Variants in CNTNAP2 observed in about 807,000 individuals in gnomAD.
CNTNAP2 encodes the protein contactin-associated protein-like 2.
In CNTNAP2, 98 loss-of-function variants were observed where a neutral mutation model predicts 155.2. That is an observed-to-expected ratio of 0.63 (90% CI 0.54 to 0.75). The LOEUF (loss-of-function observed/expected upper bound fraction) is 0.75. Among genes scored for constraint, CNTNAP2 ranks in the 30% least tolerant of loss-of-function variants. The pLI, the probability that CNTNAP2 is intolerant of heterozygous loss-of-function variation, is 0.00. For synonymous variants in CNTNAP2, 651 were observed against 631.2 expected, an observed-to-expected ratio of 1.03 and a Z score of -0.47; for missense variants, 1,727 against 1,688.1, an observed-to-expected ratio of 1.02 and a Z score of -0.40.
intron 21 of CNTNAP2, among the ~76,000 whole-genome samples, chr7:148,286,365 A>G (rs60546718): frequency 0.15 from 22,165 of 152,162 alleles, 2,083 homozygotes; most frequent in African/African-American, 0.26. Context: ...GAGGTCTCCA[A>G]ACTGTCTTGT....
At chr7:146,491,334 T>C (rs1252329970) in intron 1 of CNTNAP2, among the ~76,000 whole-genome samples, 1 of 151,932 alleles carries the variant, frequency 6.6e-6, no homozygotes, top group East Asian at 1.9e-4. Flanking sequence ...AACATAACAA[T>C]GCTCATGGGA....
chr7:146,711,106 GCACA>G (rs910179732), intron 1 of CNTNAP2, among the ~76,000 whole-genome samples: 2 of 149,748 alleles, frequency 1.3e-5, no homozygotes, highest in African/African-American at 4.9e-5. Context: ...TCCTGTATAT[GCACA>G]CACACACACA....
intron 13 of CNTNAP2, among the ~76,000 whole-genome samples, chr7:147,680,547 A>T (rs1012493662): frequency 6.6e-6 from 1 of 151,898 alleles, no homozygotes; most frequent in African/African-American, 2.4e-5. Context: ...TGTGAGGTCT[A>T]CCCTAGTGTA....
intron 1 of CNTNAP2, among the ~76,000 whole-genome samples, chr7:146,615,698 G>A (rs2129154996): frequency 6.6e-6 from 1 of 152,294 alleles, no homozygotes; most frequent in African/African-American, 2.4e-5. Flanking sequence ...TCACCTGGGA[G>A]CAGCCCTGAA....
At chr7:146,213,417 T>C (rs752794223) in intron 1 of CNTNAP2, among the ~76,000 whole-genome samples, 1 of 152,172 alleles carries the variant, frequency 6.6e-6, no homozygotes, top group Non-Finnish European at 1.5e-5. Context: ...AAACCTACTT[T>C]ACTTAACTCA....
chr7:146,677,958 C>T (rs1585038345), intron 1 of CNTNAP2, among the ~76,000 whole-genome samples: 3 of 152,126 alleles, frequency 2.0e-5, no homozygotes, highest in South Asian at 2.1e-4. Flanking sequence ...CTGCATACCT[C>T]GCATAGTTCA....
At chr7:146,918,806 G>A (rs1047088854) in intron 3 of CNTNAP2, among the ~76,000 whole-genome samples, 6 of 152,166 alleles carry the variant, frequency 3.9e-5, no homozygotes, top group Non-Finnish European at 8.8e-5. Flanking sequence ...TTCTTCCTCA[G>A]AAACACCAAT....
chr7:146,532,295 G>A (rs1157049618), intron 1 of CNTNAP2, among the ~76,000 whole-genome samples: 1 of 152,060 alleles, frequency 6.6e-6, no homozygotes, highest in Non-Finnish European at 1.5e-5. Flanking sequence ...AAAATACAGG[G>A]ATTTCAATAA....
intron 12 of CNTNAP2, among the ~76,000 whole-genome samples, chr7:147,622,577 G>C (rs1008769548): frequency 1.3e-5 from 2 of 151,910 alleles, no homozygotes; most frequent in African/African-American, 2.4e-5. Flanking sequence ...AAAATGGCTT[G>C]AAACAAATGA....
intron 1 of CNTNAP2, among the ~76,000 whole-genome samples, chr7:146,513,777 T>A (rs1191346923): frequency 6.6e-6 from 1 of 152,010 alleles, no homozygotes; most frequent in Non-Finnish European, 1.5e-5. Context: ...CTTTTATCTG[T>A]GAGTCTATAC....
At chr7:148,117,429 C>T (rs548317446) in intron 15 of CNTNAP2, among the ~76,000 whole-genome samples, 82 of 152,280 alleles carry the variant, frequency 5.4e-4, no homozygotes, top group African/African-American at 1.7e-3. Flanking sequence ...GCCTCGTTCC[C>T]GGCTCCTCAC....
chr7:146,161,719 A>G (rs1562972307), intron 1 of CNTNAP2, among the ~76,000 whole-genome samples: 2 of 152,334 alleles, frequency 1.3e-5, no homozygotes, highest in East Asian at 3.9e-4. Flanking sequence ...TCCTAAGCCT[A>G]AAGAACAAAG....
At chr7:148,182,078 C>A (rs1795048287) in intron 18 of CNTNAP2, among the ~76,000 whole-genome samples, 1 of 152,034 alleles carries the variant, frequency 6.6e-6, no homozygotes, top group Non-Finnish European at 1.5e-5. Flanking sequence ...CTTTTCTAAT[C>A]CCCACCAGTG....
chr7:148,412,896 A>G (rs190963753), intron 23 of CNTNAP2, among the ~76,000 whole-genome samples: 1 of 152,316 alleles, frequency 6.6e-6, no homozygotes, highest in Admixed American at 6.5e-5. Context: ...TGTTTGATGA[A>G]TGGGTATTGG....
At chr7:147,159,630 A>G (rs891907226) in intron 8 of CNTNAP2, among the ~76,000 whole-genome samples, 7 of 152,140 alleles carry the variant, frequency 4.6e-5, no homozygotes, top group Admixed American at 4.6e-4. Flanking sequence ...AGTCAACCAT[A>G]TGTTCTGAAG....
chr7:148,313,534 G>C (rs115707642), intron 21 of CNTNAP2, among the ~76,000 whole-genome samples: 1 of 152,206 alleles, frequency 6.6e-6, no homozygotes, highest in South Asian at 2.1e-4. Flanking sequence ...GGGGGAGAAG[G>C]TTCTGGAGGA....
intron 20 of CNTNAP2, among the ~76,000 whole-genome samples, chr7:148,237,012 G>A (rs1796052760): frequency 6.6e-6 from 1 of 152,100 alleles, no homozygotes; most frequent in South Asian, 2.1e-4. Flanking sequence ...CTCAACATGA[G>A]ATTTGAGCAG....
intron 1 of CNTNAP2, among the ~76,000 whole-genome samples, chr7:146,699,489 T>A (rs1306912084): frequency 6.6e-6 from 1 of 152,174 alleles, no homozygotes; most frequent in African/African-American, 2.4e-5. Context: ...TTAGTGAGCC[T>A]GGGCCCCTGG....
At chr7:147,773,515 A>T (rs912142312) in intron 13 of CNTNAP2, among the ~76,000 whole-genome samples, 5 of 152,160 alleles carry the variant, frequency 3.3e-5, no homozygotes, top group African/African-American at 1.2e-4. Flanking sequence ...CAAACCTTGA[A>T]ATTAAAGATA....
Sources: gnomAD v4.1 joint callset for allele counts (sites outside exome capture counted in the v4.1 genomes callset) on GRCh38, gnomAD v4.1.1 for gene constraint, MANE v1.5 for transcripts, NCBI Gene and HGNC (gene_info 2026-07-23, HGNC 2026-07-21) for gene names.